CENPE: variants seen among roughly 807,000 people sequenced by gnomAD.
CENPE encodes the protein centromere protein E, also known as centromere-associated protein E.
CENPE carries 145 observed loss-of-function variants against 336.1 expected under a neutral mutation model. That is an observed-to-expected ratio of 0.43 (90% CI 0.38 to 0.50). The LOEUF (loss-of-function observed/expected upper bound fraction) is 0.50. Among genes scored for constraint, CENPE ranks in the 20% least tolerant of loss-of-function variants. The pLI, the probability that CENPE is intolerant of heterozygous loss-of-function variation, is 0.00. For synonymous variants in CENPE, 1,013 were observed against 984.8 expected (o/e 1.03, Z -0.54); for missense variants, 2,719 against 3,023.3 (o/e 0.90, Z 2.36).
chr4:103,188,006 T>C (rs1756951627), intron 8 of CENPE, among the ~76,000 whole-genome samples: 2 of 151,916 alleles, frequency 1.3e-5, no homozygotes, highest in African/African-American at 4.8e-5. Context: ...TAGTCTCTGA[T>C]AAAACAGACT....
chr4:103,193,696 G>T (rs982956470), intron 8 of CENPE, among the ~76,000 whole-genome samples: 41 of 151,952 alleles, frequency 2.7e-4, no homozygotes, highest in African/African-American at 9.7e-4. Context: ...AATGTGTTGG[G>T]GCTACCAGGA....
chr4:103,185,177 T>C (rs986666264), intron 9 of CENPE, among the ~76,000 whole-genome samples: 1 of 151,986 alleles, frequency 6.6e-6, no homozygotes, highest in Non-Finnish European at 1.5e-5. Flanking sequence ...TGATGGTGCA[T>C]GTCTGTAATC....
chr4:103,162,561 T>A (rs112901325), intron 18 of CENPE, among the ~76,000 whole-genome samples: 2 of 149,056 alleles, frequency 1.3e-5, no homozygotes, highest in African/African-American at 4.9e-5. Context: ...TTCGGAATTT[T>A]AAAATTTTAC....
At chr4:103,163,436 G>T in intron 17 of CENPE, 43 bp downstream of exon 17, 1 of 1,397,516 alleles carries the variant, frequency 7.2e-7, no homozygotes. Flanking sequence ...ATGTTTTATA[G>T]TTCTAATTGC....
chr4:103,171,078 A>G (rs899557893), intron 16 of CENPE, among the ~76,000 whole-genome samples: 1 of 152,118 alleles, frequency 6.6e-6, no homozygotes, highest in African/African-American at 2.4e-5. Context: ...CAATAATAAT[A>G]GAGGATTTTG....
At chr4:103,150,064 C>T (rs1400682801) in intron 26 of CENPE, among the ~76,000 whole-genome samples, 2 of 151,372 alleles carry the variant, frequency 1.3e-5, no homozygotes, top group Admixed American at 6.6e-5. Context: ...ACAAATACAG[C>T]TACCAAATAA....
chr4:103,143,372 T>G lies in CENPE; in HGVS notation c.5180A>C (p.His1727Pro), dbSNP rs1160509300. The change falls in exon 34 of 49, where the codon CAC (histidine) becomes CCC (proline). Residue 1727 changes from histidine to proline, a missense_variant. Physicochemically the swap from His to Pro is moderately conservative, Grantham distance 77. Around this residue, in one of 5 missense-constraint regions of CENPE, gnomAD observed 2,437 missense variants for 2,513.3 expected, o/e 0.97. Coordinates refer to ENST00000265148, the MANE Select transcript of CENPE (RefSeq NM_001813.3). The part of the protein sequence containing the change: ...LEKQEELKIV[H>P]MHLKEHQETI... ...TTCTTGGTGCTCCTTCAGATGCATG[T>G]GAACAATTTTTAGCTCCTCTTGTTT... The G allele has an allele frequency of 3.7e-6, 6 of 1,604,868 alleles. No individual in the cohort carries two copies. The South Asian group carries it at 6.7e-5, about 18-fold the overall frequency.
At chr4:103,111,095 A>G in intron 46 of CENPE, 84 bp from the exon 47 acceptor site, 1 of 1,030,982 alleles carries the variant, frequency 9.7e-7, no homozygotes, top group African/African-American at 1.6e-5. Context: ...AAGTACAATA[A>G]GCCATTATAG....
intron 42 of CENPE, among the ~76,000 whole-genome samples, chr4:103,128,177 G>T (rs1214196599): frequency 6.6e-6 from 1 of 152,004 alleles, no homozygotes; most frequent in Non-Finnish European, 1.5e-5. Flanking sequence ...AGGGATAAAG[G>T]GACATTACGT....
chr4:103,112,131 A>G (rs912998891), intron 46 of CENPE, among the ~76,000 whole-genome samples: 1 of 151,346 alleles, frequency 6.6e-6, no homozygotes, highest in African/African-American at 2.4e-5. Flanking sequence ...TATATGTGTG[A>G]GCATAACTAT....
intron 40 of CENPE, 70 bp from the exon 41 acceptor site, chr4:103,133,962 G>C: frequency 2.2e-6 from 2 of 926,160 alleles, no homozygotes; most frequent in East Asian, 5.2e-5. Context: ...TTTCATCCTT[G>C]AGACTATGAG....
chr4:103,178,002 A>T (rs1431732553), intron 13 of CENPE, among the ~76,000 whole-genome samples: 2 of 150,044 alleles, frequency 1.3e-5, no homozygotes, highest in Non-Finnish European at 2.9e-5. Flanking sequence ...TATTTAGCTC[A>T]TCAGGGGCTA....
chr4:103,184,382 C>T (rs992414994), intron 9 of CENPE, among the ~76,000 whole-genome samples: 2 of 152,152 alleles, frequency 1.3e-5, no homozygotes, highest in African/African-American at 4.8e-5. Flanking sequence ...ATCCTTTGCC[C>T]AGTTTTTTGT....
At chr4:103,134,353 G>A (rs569462967) in intron 40 of CENPE, among the ~76,000 whole-genome samples, 4 of 152,036 alleles carry the variant, frequency 2.6e-5, no homozygotes, top group East Asian at 1.9e-4. Flanking sequence ...CTTCCTTGTC[G>A]GCCGGACATG....
chr4:103,153,990 T>TC (rs1216901486), intron 24 of CENPE, among the ~76,000 whole-genome samples: 2 of 152,176 alleles, frequency 1.3e-5, no homozygotes, highest in Non-Finnish European at 2.9e-5. Context: ...ATTCATTTAT[T>TC]CATAAATAAG....
At chr4:103,111,036 G>A in intron 46 of CENPE, 25 bp from the exon 47 acceptor site, 1 of 1,492,316 alleles carries the variant, frequency 6.7e-7, no homozygotes, top group Non-Finnish European at 9.1e-7. Flanking sequence ...TATACAAATA[G>A]GTGATAATTT....
intron 24 of CENPE, among the ~76,000 whole-genome samples, chr4:103,156,270 T>C (rs1046638105): frequency 2.0e-5 from 3 of 152,020 alleles, no homozygotes; most frequent in Non-Finnish European, 2.9e-5. Flanking sequence ...GGGCCCCAAA[T>C]AGGGAAACGA....
At chr4:103,136,009 C>G in intron 40 of CENPE, 132 bp downstream of exon 40, 1 of 735,850 alleles carries the variant, frequency 1.4e-6, no homozygotes, top group Non-Finnish European at 2.2e-6. Flanking sequence ...TTACTATGCT[C>G]AGACCCACAT....
Position 103,161,453 on chromosome 4 carries a change from C to A in CENPE, c.1847G>T (p.Ser616Ile), listed in dbSNP as rs144782566. The change falls in exon 19 of 49, where the codon AGC (serine) becomes ATC (isoleucine). Residue 616 changes from serine (S) to isoleucine (I), a missense_variant. Around this residue, in one of 5 missense-constraint regions of CENPE, gnomAD observed 2,437 missense variants for 2,513.3 expected, o/e 0.97. Transcript: ENST00000265148. ...CTTCATTTGTTTTGGGTCTTCAATG[C>A]TTTCCTAGACAGATGACAAAAGGGG... ...IKMDLSYSLE[S>I]IEDPKQMKQT... The A allele has an allele frequency of 3.9e-5, 62 of 1,579,518 alleles. 1 individual carries two copies. In the Middle Eastern group the frequency reaches 8.4e-4, roughly 21 times the overall value.
Sources: gnomAD v4.1 joint callset for allele counts (sites outside exome capture counted in the v4.1 genomes callset) on GRCh38, gnomAD v4.1.1 for gene constraint, gnomAD v4.1.1 regional missense constraint, MANE v1.5 for transcripts, NCBI Gene and HGNC (gene_info 2026-07-23, HGNC 2026-07-21) for gene names.